Variants in ZNF750 observed in about 807,000 individuals in gnomAD.
ZNF750 encodes protein ZNF750.
Under a neutral mutation model 31.6 loss-of-function variants are expected in ZNF750, and 10 were observed. The observed-to-expected ratio is 0.32, with a 90% CI of 0.19 to 0.54. ZNF750 has a LOEUF of 0.54. ZNF750 is among the 20% of genes least tolerant of loss of function. The pLI is 0.95. For synonymous variants in ZNF750, 400 were observed against 404.9 expected, an observed-to-expected ratio of 0.99 and a Z score of 0.15; for missense variants, 914 against 934.9, an observed-to-expected ratio of 0.98 and a Z score of 0.29.
chr17:82,830,329 GC>G lies in ZNF750; in HGVS notation c.1984del (p.Ala662ProfsTer9), dbSNP rs2053368781. ...GDGDAAAPEP[A>X]CRQDTPTLSS... ...CAGTGTGGGTGTGTCTTGCCGGCAG[GC>G]AGGTTCCGGGGCCGCAGCATCCCCA... On this transcript the variant is annotated frameshift_variant, in exon 3 of 3. Coordinates refer to ENST00000269394, the MANE Select transcript of ZNF750 (RefSeq NM_024702.3). LOFTEE classifies it low-confidence loss of function (END_TRUNC). 6.2e-7 allele frequency: 1 copy of G among 1,613,936 alleles called. No individual in the cohort carries two copies.
chr17:82,831,354 A>C lies in ZNF750; in HGVS notation c.1101T>G (p.Pro367=), dbSNP rs1160732920. 1.2e-6 allele frequency: 2 copies of C among 1,614,082 alleles called. No individual in the cohort carries two copies. Among genetic ancestry groups the C allele is most frequent in the East Asian group, 4.5e-5 (2 of 44,882 alleles). ...CGACGTGTTTTCTGTTGGGGTCCGAAGGGTTTAACCTGGAAGGACTCGAGG... is the reference window on the plus strand; with the variant it reads ...CGACGTGTTTTCTGTTGGGGTCCGACGGGTTTAACCTGGAAGGACTCGAGG... ...YPASSPSRLN[P]SDPNRKHVEF... is the part of the protein sequence containing the mutation. The change falls in exon 2 of 3, where the codon CCT becomes CCG. Residue 367 remains proline, a synonymous_variant. Transcript: ENST00000269394. This position sits in a 1 kb window ranked among gnomAD's most constrained non-coding sequence, Gnocchi z 4.6.
Position 82,831,266 on chromosome 17 carries a change from C to T in ZNF750, c.1189G>A (p.Gly397Arg). 2 of 1,613,868 alleles carry T rather than the reference C, an allele frequency of 1.2e-6. No homozygotes were observed. Among genetic ancestry groups the T allele is most frequent in the Non-Finnish European group, 1.7e-6 (2 of 1,180,042 alleles). ...SSKAGQRDTEGSKMSPRAGSA... is the reference protein window; with the variant it reads ...SSKAGQRDTERSKMSPRAGSA... ...CCTGCGCGGGGGCTCATTTTGGACC[C>T]TTCCGTGTCTCTCTGCCCAGCCTTG... The change falls in exon 2 of 3, where the codon GGG becomes AGG. Residue 397 changes from glycine to arginine, a missense_variant. Transcript: ENST00000269394. This position sits in a 1 kb window ranked among gnomAD's most constrained non-coding sequence, Gnocchi z 4.6.
At chr17:82,836,398 C>T (rs183794804) in intron 1 of ZNF750, among the ~76,000 whole-genome samples, 5 of 152,320 alleles carry the variant, frequency 3.3e-5, no homozygotes, top group East Asian at 3.9e-4. Flanking sequence ...GCATCAGGAT[C>T]GAAACGATGA....
intron 1 of ZNF750, among the ~76,000 whole-genome samples, chr17:82,834,085 C>T (rs148260569): frequency 0.042 from 6,415 of 152,240 alleles, 264 homozygotes; most frequent in African/African-American, 0.11. Flanking sequence ...GCTGGAATTA[C>T]AGGCGCCCAC....
intron 1 of ZNF750, chr17:82,838,832 AGCTCGTAAACAAAC>A: frequency 1.0e-6 from 1 of 985,460 alleles, no homozygotes; most frequent in Non-Finnish European, 1.2e-6. Flanking sequence ...TACAGACCTG[AGCTCGTAAACAAAC>A]GCTCACCACT....
rs1255643635 is a variant in ZNF750 at position 82,835,168 on chromosome 17, T to C, written c.-182-2532A>G. On this transcript the variant is annotated intron_variant, in intron 1 of 2. Transcript: ENST00000269394. The surrounding 1 kb of genome is among the most constrained non-coding windows in gnomAD (Gnocchi z 4.5). ...CCATTCTTGAGTCTGTGAGGTTTTA[T>C]GTGTAGACATCAGGGTGGCTAAAAG... Among the ~76,000 whole-genome samples, 4 of 152,322 alleles carry C rather than the reference T, an allele frequency of 2.6e-5. No individual in the cohort carries two copies. The highest frequency in any genetic ancestry group is 5.9e-5 in the Non-Finnish European group (4 of 68,028).
In ZNF750 at chr17:82,830,015, GTTTT is replaced by G. The variant is rs869264041; in HGVS notation, c.*123_*126del. On this transcript the variant is annotated 3_prime_UTR_variant, in exon 3 of 3. Coordinates refer to ENST00000269394, the MANE Select transcript of ZNF750 (RefSeq NM_024702.3). ...GGGTTTTTTGTTTGTTTGTTTGTTT[GTTTT>G]TTTGAGAAGCAGCAGCTGCATTTGT... is the stretch of plus-strand genomic sequence containing the variant. 36 of 1,263,324 alleles carry G rather than the reference GTTTT, an allele frequency of 2.8e-5. No homozygotes were observed. The highest frequency in any genetic ancestry group is 2.8e-4 in the Middle Eastern group (1 of 3,580). 78.3% of individuals were successfully genotyped at this position (1,263,324 alleles called of 1,614,324 possible).
Position 82,838,952 on chromosome 17 carries a change from T to C in ZNF750, c.-183+975A>G, listed in dbSNP as rs553903955. 6 of 985,446 alleles carry C rather than the reference T, an allele frequency of 6.1e-6. No individual in the cohort carries two copies. The African/African-American group carries it at 7.0e-5, about 11-fold the overall frequency. 61.0% of individuals were successfully genotyped at this position (985,446 alleles called of 1,614,324 possible). ...ATTAGGGGCACAGATGTGGACGGAC[T>C]GTGCTTGGTCAGTAATTGTTCTCCT... On this transcript the variant is annotated intron_variant, in intron 1 of 2. Coordinates refer to ENST00000269394, the MANE Select transcript of ZNF750 (RefSeq NM_024702.3).
At position 82,831,161 on chromosome 17, in the gene ZNF750, C is replaced by T. The variant is rs145716788; in HGVS notation, c.1294G>A (p.Asp432Asn). ...CTGGAGGCTGCCTTGTTGGAGAGGT[C>T]GTACAGGCCTTCGCAGGTCTGGCTC... ...QTSQTCEGLY[D>N]LSNKAASSAL... The change falls in exon 2 of 3, where the codon GAC (aspartate) becomes AAC (asparagine). Residue 432 changes from aspartate to asparagine, a missense_variant. Around this residue, in one of 2 missense-constraint regions of ZNF750, gnomAD observed 880 missense variants for 868.9 expected, o/e 1.01. Coordinates refer to ENST00000269394, the MANE Select transcript of ZNF750 (RefSeq NM_024702.3). The surrounding 1 kb of genome is among the most constrained non-coding windows in gnomAD (Gnocchi z 4.6). 5.0e-6 allele frequency: 8 copies of T among 1,613,998 alleles called. No homozygotes were observed. The highest frequency in any genetic ancestry group is 1.7e-5 in the Admixed American group (1 of 60,006).
In ZNF750 at chr17:82,835,972, A is replaced by C. The variant is rs1805988164; in HGVS notation, c.-182-3336T>G. ...GGGTGTCGGGTGACACCCTGGGCTC[A>C]GACCCCGCGCTCAGCACCCGTCTCC... is the stretch of plus-strand genomic sequence containing the variant. On this transcript the variant is annotated intron_variant, in intron 1 of 2. Coordinates refer to ENST00000269394, the MANE Select transcript of ZNF750 (RefSeq NM_024702.3). This position sits in a 1 kb window ranked among gnomAD's most constrained non-coding sequence, Gnocchi z 4.5. 6.6e-6 allele frequency among the ~76,000 whole-genome samples: 1 copy of C among 152,214 alleles called. No individual in the cohort carries two copies. The highest frequency in any genetic ancestry group is 2.4e-5 in the African/African-American group (1 of 41,462).
rs148552333 is a variant in ZNF750, at chr17:82,830,199, C to T, written c.2115G>A (p.Ala705=). ...AGKSQQGAKK[A]KLQDTARVFT... ...ACACTCTGGCCGTGTCCTGCAGCTT[C>T]GCCTTCTTAGCTCCTTGCTGGGATT... Residue 705 remains alanine, a synonymous_variant, in exon 3 of 3, where the codon GCG becomes GCA. Transcript: ENST00000269394. 5 of 1,614,100 alleles carry T rather than the reference C, an allele frequency of 3.1e-6. No homozygotes were observed. Among genetic ancestry groups the T allele is most frequent in the Non-Finnish European group, 3.4e-6 (4 of 1,180,036 alleles).
rs1017272360 is a variant in ZNF750 at position 82,833,201 on chromosome 17, C to T, written c.-182-565G>A. ...GAGTGCCCCTCACTTTTACACAGAG[C>T]GTGGGCTGGCCACCGTCTACTTGCT... is the stretch of plus-strand genomic sequence containing the variant. On this transcript the variant is annotated intron_variant, in intron 1 of 2. Coordinates refer to ENST00000269394, the MANE Select transcript of ZNF750 (RefSeq NM_024702.3). The surrounding 1 kb of genome is among the most constrained non-coding windows in gnomAD (Gnocchi z 4.7). Among the ~76,000 whole-genome samples the T allele has an allele frequency of 1.3e-5, 2 of 152,038 alleles. No individual in the cohort carries two copies. Among genetic ancestry groups the T allele is most frequent in the African/African-American group, 4.8e-5 (2 of 41,392 alleles).
chr17:82,834,020 C>T (rs895381796), intron 1 of ZNF750, among the ~76,000 whole-genome samples: 4 of 152,100 alleles, frequency 2.6e-5, no homozygotes, highest in Admixed American at 6.5e-5. Context: ...TCTCAGCTCA[C>T]TGCAACCTCC....
intron 1 of ZNF750, chr17:82,838,838 TA>T: frequency 2.0e-6 from 2 of 985,438 alleles, no homozygotes; most frequent in Non-Finnish European, 1.2e-6. Flanking sequence ...CCTGAGCTCG[TA>T]AACAAACGCT....
rs1338701835 is a variant in ZNF750 at position 82,830,545 on chromosome 17, G to C, written c.1769C>G (p.Ser590Cys). Residue 590 changes from serine to cysteine, a missense_variant, in exon 3 of 3, where the codon TCT becomes TGT. Coordinates refer to ENST00000269394, the MANE Select transcript of ZNF750 (RefSeq NM_024702.3). ...AVPQKTGTEG[S>C]EDGPSHPETK... ...CTCAGGGTGGCTGGGCCCATCCTCA[G>C]AACCTTCTGTCCCAGTCTTCTGTGG... 1 of 1,614,168 alleles carries C rather than the reference G, an allele frequency of 6.2e-7. No individual in the cohort carries two copies. The highest frequency in any genetic ancestry group is 8.5e-7 in the Non-Finnish European group (1 of 1,180,038).
chr17:82,834,781 C>T (rs557107507), intron 1 of ZNF750, among the ~76,000 whole-genome samples: 103 of 152,230 alleles, frequency 6.8e-4, no homozygotes, highest in African/African-American at 2.4e-3. Flanking sequence ...GGGCTTAAAA[C>T]CTAGATGATC....
rs2053641685 is a variant in ZNF750 at position 82,832,882 on chromosome 17, C to T, written c.-182-246G>A. ...TGATCTGAAAGAGTCACCTCGGGGC[C>T]TAGAGGTGGAGTGTGGTGTGTGGTG... On this transcript the variant is annotated intron_variant, in intron 1 of 2. Coordinates refer to ENST00000269394, the MANE Select transcript of ZNF750 (RefSeq NM_024702.3). The surrounding 1 kb of genome is among the most constrained non-coding windows in gnomAD (Gnocchi z 4.9). Among the ~76,000 whole-genome samples the T allele has an allele frequency of 6.6e-6, 1 of 152,194 alleles. No homozygotes were observed. The highest frequency in any genetic ancestry group is 6.5e-5 in the Admixed American group (1 of 15,284).
In ZNF750 at chr17:82,830,344, G is replaced by T. The variant is rs61729341; in HGVS notation, c.1970C>A (p.Ala657Glu). Residue 657 changes from alanine to glutamate, a missense_variant, in exon 3 of 3, where the codon GCG (alanine) becomes GAG (glutamate). Ala to Glu is a moderately radical substitution (Grantham distance 107). This residue lies in a region of ZNF750 where 880 missense variants were observed against 868.9 expected (regional missense o/e 1.01). Coordinates refer to ENST00000269394, the MANE Select transcript of ZNF750 (RefSeq NM_024702.3). Reference protein sequence around the residue: ...RNIRVGDGDAAAPEPACRQDT... With the variant: ...RNIRVGDGDAEAPEPACRQDT... ...TTGCCGGCAGGCAGGTTCCGGGGCC[G>T]CAGCATCCCCATCGCCCACCCGGAT... 6.2e-7 allele frequency: 1 copy of T among 1,613,688 alleles called. No individual in the cohort carries two copies. Among genetic ancestry groups the T allele is most frequent in the Non-Finnish European group, 8.5e-7 (1 of 1,180,046 alleles).
chr17:82,830,978 G>A, intron 2 of ZNF750, 41 bp downstream of exon 2: 1 of 1,613,622 alleles, frequency 6.2e-7, no homozygotes, highest in Non-Finnish European at 8.5e-7. Context: ...AACCCAACCA[G>A]AAACATTCCC....
Sources: allele counts gnomAD v4.1 joint callset (sites outside exome capture counted in the v4.1 genomes callset), GRCh38; gene constraint gnomAD v4.1.1; regional missense constraint gnomAD v4.1.1; non-coding constraint Gnocchi (gnomAD v3.1); transcripts MANE v1.5; gene names NCBI Gene and HGNC (gene_info 2026-07-23, HGNC 2026-07-21).